The following HTT variants were observed in gnomAD, a reference collection of about 807,000 sequenced individuals.
HTT encodes huntington disease protein.
Under a neutral mutation model 362.3 loss-of-function variants are expected in HTT, and 104 were observed. The ratio of observed to expected loss-of-function variants is 0.29; its 90% CI spans 0.24 to 0.34. The LOEUF (loss-of-function observed/expected upper bound fraction) is 0.34, where lower values mean the gene tolerates loss of function less well. Among genes scored for constraint, HTT ranks in the 10% least tolerant of loss-of-function variants. The pLI is 1.00. For missense variants in HTT, 3,301 were observed against 3,928.6 expected (o/e 0.84, Z 4.27); for synonymous variants, 1,577 against 1,548.7 (o/e 1.02, Z -0.43).
Position 3,236,130 on chromosome 4 carries a change from C to T in HTT, c.8786-19C>T, listed in dbSNP as rs746493591. On this transcript the variant is annotated intron_variant, in intron 63 of 66. Transcript: ENST00000355072. ...GGGTTGTATAGAGGTAACCTTCGTACTGAACACTTTTGTTACAGGAAAGGA... is the reference window on the plus strand; with the variant it reads ...GGGTTGTATAGAGGTAACCTTCGTATTGAACACTTTTGTTACAGGAAAGGA... 3.2e-6 allele frequency: 5 copies of T among 1,582,790 alleles called. No individual in the cohort carries two copies. The highest frequency in any genetic ancestry group is 3.3e-5 in the Admixed American group (2 of 59,990).
intron 2 of HTT, among the ~76,000 whole-genome samples, chr4:3,098,995 A>C (rs1217675202): frequency 6.6e-6 from 1 of 152,238 alleles, no homozygotes; most frequent in South Asian, 2.1e-4. Context: ...TTTTAGATTT[A>C]TAGAAAAAAA....
At chr4:3,142,141 A>G (rs2110199732) in intron 22 of HTT, among the ~76,000 whole-genome samples, 1 of 152,260 alleles carries the variant, frequency 6.6e-6, no homozygotes, top group Non-Finnish European at 1.5e-5. Flanking sequence ...AGATACAATG[A>G]CCAATTGTGC....
At chr4:3,193,365 G>C (rs200166868) in intron 40 of HTT, among the ~76,000 whole-genome samples, 1 of 151,222 alleles carries the variant, frequency 6.6e-6, no homozygotes, top group East Asian at 1.9e-4. Flanking sequence ...AATATGGCTT[G>C]TTAATGAATG....
At chr4:3,161,761 A>C (rs558809764) in intron 29 of HTT, among the ~76,000 whole-genome samples, 23 of 151,710 alleles carry the variant, frequency 1.5e-4, no homozygotes, top group Non-Finnish European at 2.8e-4. Flanking sequence ...CCATTTTTTG[A>C]TGGGGTTGTT....
intron 3 of HTT, among the ~76,000 whole-genome samples, chr4:3,100,449 G>A (rs770197811): frequency 6.6e-6 from 1 of 152,124 alleles, no homozygotes; most frequent in Non-Finnish European, 1.5e-5. Flanking sequence ...GGCTAATCAC[G>A]CTTTCTGTGG....
At chr4:3,148,358 A>G (rs1716710506) in intron 26 of HTT, 151 bp downstream of exon 26, 1 of 633,468 alleles carries the variant, frequency 1.6e-6, no homozygotes, top group Non-Finnish European at 2.7e-6. Context: ...TAACATCAAA[A>G]TGTGACCATG....
At chr4:3,134,149 A>T (rs745325663) in intron 18 of HTT, among the ~76,000 whole-genome samples, 5 of 152,208 alleles carry the variant, frequency 3.3e-5, no homozygotes, top group Admixed American at 6.5e-5. Flanking sequence ...AGTTGAAACC[A>T]TGACATAAGC....
Position 3,126,553 on chromosome 4 carries a change from T to G in HTT, c.1403-711T>G, listed in dbSNP as rs192221073. 1.2e-4 allele frequency among the ~76,000 whole-genome samples: 18 copies of G among 151,650 alleles called. No homozygotes were observed. The East Asian group carries it at 2.5e-3, about 21-fold the overall frequency. On this transcript the variant is annotated intron_variant, in intron 11 of 66. Transcript: ENST00000355072. ...AATAATTCTAGTAGTAATTATTTAT[T>G]TACAAAATAAAAATAGATTTTTTTT... is the stretch of plus-strand genomic sequence containing the variant.
chr4:3,075,038 GCCCCCGCCGCCA>G lies in HTT; in HGVS notation c.217_228del (p.Pro73_Pro76del). On this transcript the variant is annotated inframe_deletion, in exon 1 of 67. Transcript: ENST00000355072. ...CTCAGCCGCAGCCGCCCCCGCCGCC[GCCCCCGCCGCCA>G]CCCGGCCCGGCTGTGGCTGAGGAGC... 1 of 1,246,360 alleles carries G rather than the reference GCCCCCGCCGCCA, an allele frequency of 8.0e-7. No individual in the cohort carries two copies. Among genetic ancestry groups the G allele is most frequent in the South Asian group, 3.6e-5 (1 of 27,446 alleles). 77.2% of individuals were successfully genotyped at this position (1,246,360 alleles called of 1,614,324 possible). A position where few individuals can be genotyped will look rare whatever the true frequency, so the allele number is the denominator to read the frequency against.
chr4:3,240,963 C>T lies in HTT; in HGVS notation c.*904C>T, dbSNP rs553275339. On this transcript the variant is annotated 3_prime_UTR_variant, in exon 67 of 67. Coordinates refer to ENST00000355072, the MANE Select transcript of HTT (RefSeq NM_001388492.1). Reference sequence around the variant, plus strand: ...TCGGGCACAGACGACTGTCGTTCTCCACCCACCAGTCAGGGACAGCAGCCT... The same window carrying T: ...TCGGGCACAGACGACTGTCGTTCTCTACCCACCAGTCAGGGACAGCAGCCT... 2 of 152,592 alleles carry T rather than the reference C, an allele frequency of 1.3e-5. No homozygotes were observed. Among genetic ancestry groups the T allele is most frequent in the African/African-American group, 4.8e-5 (2 of 41,582 alleles). 9.5% of individuals were successfully genotyped at this position (152,592 alleles called of 1,614,324 possible).
chr4:3,106,422 T>A (rs1293037161), intron 5 of HTT, among the ~76,000 whole-genome samples: 1 of 152,170 alleles, frequency 6.6e-6, no homozygotes, highest in Non-Finnish European at 1.5e-5. Context: ...AAATTTCCTT[T>A]TGTATAATCT....
At chr4:3,229,357 ATGCACACAACACACACATGCCACG>A (rs1462357883) in intron 59 of HTT, among the ~76,000 whole-genome samples, 1 of 144,684 alleles carries the variant, frequency 6.9e-6, no homozygotes, top group Non-Finnish European at 1.5e-5. Flanking sequence ...CACAGGTTAC[ATGCACACAACACACACATGCCACG>A]TGCACACACC....
intron 21 of HTT, among the ~76,000 whole-genome samples, chr4:3,136,528 A>G (rs1044886208): frequency 6.6e-6 from 1 of 152,112 alleles, no homozygotes; most frequent in Non-Finnish European, 1.5e-5. Context: ...CAAAATACTA[A>G]CTGTCCATTG....
Position 3,241,224 on chromosome 4 carries a change from TG to T in HTT, c.*1166del, listed in dbSNP as rs1430136157. 1 of 152,420 alleles carries T rather than the reference TG, an allele frequency of 6.6e-6. No homozygotes were observed. The highest frequency in any genetic ancestry group is 1.5e-5 in the Non-Finnish European group (1 of 68,136). The allele number at this position is 152,420 out of a possible 1,614,324, so 9.4% of individuals were successfully genotyped here. A position where few individuals can be genotyped will look rare whatever the true frequency, so the allele number is the denominator to read the frequency against. The stretch of plus-strand genomic sequence containing the variant: ...ACAGCAAAGCTTGGTGTCTTGGCAC[TG>T]TTAGTGACAGAGCCCAGCATCCCTT... On this transcript the variant is annotated 3_prime_UTR_variant, in exon 67 of 67. Transcript: ENST00000355072.
chr4:3,174,864 G>C, intron 32 of HTT, 65 bp downstream of exon 32: 1 of 1,563,748 alleles, frequency 6.4e-7, no homozygotes, highest in South Asian at 1.1e-5. Flanking sequence ...AACTGGAGCT[G>C]AGACTTTCCA....
chr4:3,189,182 A>G, intron 40 of HTT, 89 bp downstream of exon 40: 1 of 1,330,324 alleles, frequency 7.5e-7, no homozygotes, highest in South Asian at 1.4e-5. Context: ...GCTGCCCGGT[A>G]GAAACTCTGC....
chr4:3,229,520 A>G (rs565325199), intron 59 of HTT, among the ~76,000 whole-genome samples: 1 of 142,754 alleles, frequency 7.0e-6, no homozygotes, highest in South Asian at 2.3e-4. Flanking sequence ...CCCCACACAC[A>G]TGTACGCACC....
chr4:3,148,112 G>C lies in HTT; in HGVS notation c.3403G>C (p.Val1135Leu), dbSNP rs369374727. 1.2e-5 allele frequency: 19 copies of C among 1,614,124 alleles called. No individual in the cohort carries two copies. Among genetic ancestry groups the C allele is most frequent in the Non-Finnish European group, 1.4e-5 (17 of 1,180,010 alleles). ...VWPALGDRALVPMVEQLFSHL... is the reference protein window; with the variant it reads ...VWPALGDRALLPMVEQLFSHL... Reference sequence around the variant, plus strand: ...GCCAGCCCTGGGGGACCGGGCCCTGGTGCCCATGGTGGAGCAGCTCTTCTC... The same window carrying C: ...GCCAGCCCTGGGGGACCGGGCCCTGCTGCCCATGGTGGAGCAGCTCTTCTC... Residue 1135 changes from valine (V) to leucine (L), a missense_variant, in exon 26 of 67, where the codon GTG (valine) becomes CTG (leucine). Val to Leu is a conservative substitution (Grantham distance 32). This residue lies in a region of HTT where 2,316 missense variants were observed against 2,658.5 expected (regional missense o/e 0.87). Coordinates refer to ENST00000355072, the MANE Select transcript of HTT (RefSeq NM_001388492.1).
intron 26 of HTT, among the ~76,000 whole-genome samples, chr4:3,153,318 T>C (rs979813959): frequency 6.6e-6 from 1 of 151,990 alleles, no homozygotes; most frequent in African/African-American, 2.4e-5. Flanking sequence ...GTGTATAAAT[T>C]TGGGGGACTA....
Sources: gnomAD v4.1 joint callset for allele counts (sites outside exome capture counted in the v4.1 genomes callset) on GRCh38, gnomAD v4.1.1 for gene constraint, gnomAD v4.1.1 regional missense constraint, MANE v1.5 for transcripts, NCBI Gene and HGNC (gene_info 2026-07-23, HGNC 2026-07-21) for gene names.